Variants in ADGRA3 observed in about 807,000 individuals in gnomAD.
ADGRA3 encodes the protein adhesion G protein-coupled receptor A3, also known as G-protein coupled receptor 125.
In ADGRA3, 56 loss-of-function variants were observed where a neutral mutation model predicts 119.8. That is an observed-to-expected ratio of 0.47 (90% confidence interval 0.38 to 0.58). The LOEUF (loss-of-function observed/expected upper bound fraction) is 0.58, where lower values mean the gene tolerates loss of function less well. Among genes scored for constraint, ADGRA3 ranks in the 20% least tolerant of loss-of-function variants. The pLI, the probability that ADGRA3 is intolerant of heterozygous loss-of-function variation, is 0.00. For synonymous variants in ADGRA3, 607 were observed against 623.8 expected (o/e 0.97, Z 0.40); for missense variants, 1,516 against 1,649.0 (o/e 0.92, Z 1.40).
At chr4:22,408,794 T>C (rs889279253) in intron 14 of ADGRA3, among the ~76,000 whole-genome samples, 1 of 152,200 alleles carries the variant, frequency 6.6e-6, no homozygotes, top group African/African-American at 2.4e-5. Context: ...TGAGTGTACA[T>C]GTCCATCATA....
chr4:22,399,235 T>C (rs1714505946), intron 16 of ADGRA3, among the ~76,000 whole-genome samples: 1 of 152,232 alleles, frequency 6.6e-6, no homozygotes, highest in African/African-American at 2.4e-5. Flanking sequence ...TGATTATAGT[T>C]ACTGATATAT....
At chr4:22,483,017 T>C (rs1718304770) in intron 1 of ADGRA3, among the ~76,000 whole-genome samples, 1 of 152,226 alleles carries the variant, frequency 6.6e-6, no homozygotes, top group African/African-American at 2.4e-5. Flanking sequence ...TCTGCATTTC[T>C]ACCCAGCAGA....
At chr4:22,511,481 T>G (rs1719444828) in intron 1 of ADGRA3, among the ~76,000 whole-genome samples, 1 of 152,180 alleles carries the variant, frequency 6.6e-6, no homozygotes, top group African/African-American at 2.4e-5. Context: ...TGTTGAAGGA[T>G]CTGACTTTTA....
intron 2 of ADGRA3, among the ~76,000 whole-genome samples, chr4:22,472,011 T>C (rs1487972399): frequency 6.6e-6 from 1 of 152,180 alleles, no homozygotes; most frequent in Non-Finnish European, 1.5e-5. Flanking sequence ...CTATGCTGTC[T>C]ATACTTTTTA....
At chr4:22,468,567 G>A (rs1717745839) in intron 2 of ADGRA3, among the ~76,000 whole-genome samples, 1 of 152,086 alleles carries the variant, frequency 6.6e-6, no homozygotes, top group South Asian at 2.1e-4. Flanking sequence ...TCAGGAGTTT[G>A]AGACCAGCCT....
intron 1 of ADGRA3, among the ~76,000 whole-genome samples, chr4:22,488,228 T>A (rs1718502222): frequency 6.6e-6 from 1 of 152,132 alleles, no homozygotes; most frequent in African/African-American, 2.4e-5. Context: ...TAGGGTTGTG[T>A]AGTTGCAACG....
At chr4:22,453,424 G>T (rs1429831995) in intron 4 of ADGRA3, among the ~76,000 whole-genome samples, 2 of 152,104 alleles carry the variant, frequency 1.3e-5, no homozygotes, top group Non-Finnish European at 2.9e-5. Flanking sequence ...AGGACACACT[G>T]AAAACAGCTA....
intron 7 of ADGRA3, 37 bp from the exon 8 acceptor site, chr4:22,438,457 A>C: frequency 1.9e-6 from 3 of 1,553,876 alleles, no homozygotes; most frequent in Non-Finnish European, 2.6e-6. Context: ...GAGAAAATAT[A>C]ATTAGGCAAA....
At position 22,420,940 on chromosome 4, in the gene ADGRA3, C is replaced by T; in HGVS notation, c.1755G>A (p.Lys585=). The part of the protein sequence containing the change: ...GRRDPEGNLD[K]QLSFKCNVSN... ...AAACATTGCACTTAAAGCTCAGCTG[C>T]TTATCCAGGTTTCCCTCTGGATCCC... The change falls in exon 12 of 19, where the codon AAG becomes AAA. Residue 585 remains lysine, a synonymous_variant. Transcript: ENST00000334304. 2 of 1,614,112 alleles carry T rather than the reference C, an allele frequency of 1.2e-6. No homozygotes were observed. The highest frequency in any genetic ancestry group is 1.7e-6 in the Non-Finnish European group (2 of 1,179,996).
chr4:22,466,460 C>T (rs538628368), intron 2 of ADGRA3, among the ~76,000 whole-genome samples: 30 of 152,348 alleles, frequency 2.0e-4, no homozygotes, highest in Admixed American at 3.3e-4. Context: ...GGCGCATTGG[C>T]TCACGCCTAT....
At chr4:22,409,690 T>G (rs547154148) in intron 14 of ADGRA3, among the ~76,000 whole-genome samples, 1 of 152,298 alleles carries the variant, frequency 6.6e-6, no homozygotes, top group African/African-American at 2.4e-5. Context: ...ATCCTCTTCT[T>G]TAAGATACAT....
chr4:22,502,152 T>C (rs2109171699), intron 1 of ADGRA3, among the ~76,000 whole-genome samples: 1 of 152,300 alleles, frequency 6.6e-6, no homozygotes, highest in African/African-American at 2.4e-5. Context: ...GCTAGCCAGG[T>C]ACTCCTGAGA....
intron 14 of ADGRA3, among the ~76,000 whole-genome samples, chr4:22,408,638 A>C (rs1715054924): frequency 6.6e-6 from 1 of 152,196 alleles, no homozygotes; most frequent in African/African-American, 2.4e-5. Context: ...AAGATTGACA[A>C]TTCCAAGCAT....
chr4:22,460,476 C>G (rs554339558), intron 3 of ADGRA3, among the ~76,000 whole-genome samples: 4 of 152,196 alleles, frequency 2.6e-5, no homozygotes, highest in Non-Finnish European at 4.4e-5. Flanking sequence ...TCAGCCTAGA[C>G]AAGGCACCAA....
intron 4 of ADGRA3, among the ~76,000 whole-genome samples, chr4:22,454,240 A>G (rs941032742): frequency 6.6e-6 from 1 of 152,110 alleles, no homozygotes; most frequent in African/African-American, 2.4e-5. Context: ...TATATTCTAT[A>G]TAAATTATAA....
At chr4:22,422,129 C>G (rs1715727423) in intron 11 of ADGRA3, among the ~76,000 whole-genome samples, 1 of 152,044 alleles carries the variant, frequency 6.6e-6, no homozygotes, top group South Asian at 2.1e-4. Context: ...TCACATCCAG[C>G]AGAGTGACAG....
chr4:22,431,568 T>C (rs887571167), intron 10 of ADGRA3, among the ~76,000 whole-genome samples: 5 of 152,076 alleles, frequency 3.3e-5, no homozygotes, highest in Admixed American at 3.3e-4. Context: ...TTATAAGAGG[T>C]TTCCCTTTTC....
chr4:22,444,124 A>G (rs1239621442), intron 6 of ADGRA3, among the ~76,000 whole-genome samples: 1 of 152,122 alleles, frequency 6.6e-6, no homozygotes, highest in Non-Finnish European at 1.5e-5. Flanking sequence ...ATGATTTTCA[A>G]TAGCTGCATT....
At position 22,388,390 on chromosome 4, in the gene ADGRA3, G is replaced by A. The variant is rs141619991; in HGVS notation, c.3281C>T (p.Ala1094Val). The change falls in exon 19 of 19, where the codon GCG (alanine) becomes GTG (valine). Residue 1094 changes from alanine to valine, a missense_variant. Ala to Val is a moderately conservative substitution (Grantham distance 64). This residue lies in a region of ADGRA3 where 1,088 missense variants were observed against 1,107.1 expected (regional missense o/e 0.98). Coordinates refer to ENST00000334304, the MANE Select transcript of ADGRA3 (RefSeq NM_145290.4). Reference sequence around the variant, plus strand: ...ACTTTTGTTTGTGCATGAAGACTCCGCACTGCTATTGGGGCATTTGGGTGC... The same window carrying A: ...ACTTTTGTTTGTGCATGAAGACTCCACACTGCTATTGGGGCATTTGGGTGC... ...GEAPKCPNSS[A>V]ESSCTNKSAS... The A allele has an allele frequency of 5.6e-4, 908 of 1,613,978 alleles. 2 individuals carry two copies. Among genetic ancestry groups the A allele is most frequent in the East Asian group, 3.3e-3 (147 of 44,822 alleles).
Sources: allele counts gnomAD v4.1 joint callset (sites outside exome capture counted in the v4.1 genomes callset), GRCh38; gene constraint gnomAD v4.1.1; regional missense constraint gnomAD v4.1.1; transcripts MANE v1.5; gene names NCBI Gene and HGNC (gene_info 2026-07-23, HGNC 2026-07-21).